COL15A1: variants seen among roughly 807,000 people sequenced by gnomAD.
COL15A1 encodes the protein collagen alpha-1(XV) chain.
In COL15A1, 111 loss-of-function variants were observed where a neutral mutation model predicts 165.9. The ratio of observed to expected loss-of-function variants is 0.67; its 90% CI spans 0.57 to 0.78. The LOEUF (loss-of-function observed/expected upper bound fraction) is 0.78, where lower values mean the gene tolerates loss of function less well. COL15A1 is among the 30% of genes least tolerant of loss of function. The probability of loss-of-function intolerance (pLI) is 0.00; values close to 1 mark genes in which losing one functional copy is unlikely to be tolerated. For missense variants in COL15A1, 1,745 were observed against 1,789.7 expected, an observed-to-expected ratio of 0.98 and a Z score of 0.45; for synonymous variants, 659 against 674.8, an observed-to-expected ratio of 0.98 and a Z score of 0.36.
chr9:99,015,525 C>T lies in COL15A1; in HGVS notation c.1462C>T (p.Pro488Ser). Residue 488 changes from proline to serine, a missense_variant, in exon 10 of 42, where the codon CCC becomes TCC. Coordinates refer to ENST00000375001, the MANE Select transcript of COL15A1 (RefSeq NM_001855.5). ...TGGGGTCCCCACAGATGGCCTGGCT[C>T]CCCTCACAGCCACCATGGCCCCTGA... ...ASGVPTDGLA[P>S]LTATMAPERA... The T allele has an allele frequency of 2.5e-6, 4 of 1,613,842 alleles. No homozygotes were observed. The highest frequency in any genetic ancestry group is 1.1e-5 in the South Asian group (1 of 91,064).
chr9:99,056,328 T>C lies in COL15A1; in HGVS notation c.3261T>C (p.Pro1087=). 1.2e-6 allele frequency: 2 copies of C among 1,614,004 alleles called. No individual in the cohort carries two copies. The highest frequency in any genetic ancestry group is 1.7e-6 in the Non-Finnish European group (2 of 1,180,012). ...GTGCTCCTGGTCTGCCTGGGCCACC[T>C]GGCTTTGGAAGACCTGGTGATCCTG... is the stretch of plus-strand genomic sequence containing the variant. ...PPGAPGLPGP[P]GFGRPGDPGP... Residue 1087 remains proline, a synonymous_variant, in exon 35 of 42, where the codon CCT becomes CCC. Coordinates refer to ENST00000375001, the MANE Select transcript of COL15A1 (RefSeq NM_001855.5).
chr9:99,010,300 C>A (rs2118974294), intron 9 of COL15A1, among the ~76,000 whole-genome samples: 1 of 152,268 alleles, frequency 6.6e-6, no homozygotes, highest in East Asian at 1.9e-4. Flanking sequence ...TTCTGGGCAC[C>A]ACTATGTAAC....
intron 2 of COL15A1, among the ~76,000 whole-genome samples, chr9:98,967,150 G>T (rs1347818221): frequency 1.3e-5 from 2 of 152,218 alleles, no homozygotes; most frequent in Non-Finnish European, 2.9e-5. Flanking sequence ...CTCACAGGCT[G>T]CTGAGGGACA....
chr9:98,974,546 C>T (rs1838111292), intron 2 of COL15A1, among the ~76,000 whole-genome samples: 1 of 152,218 alleles, frequency 6.6e-6, no homozygotes, highest in Admixed American at 6.5e-5. Flanking sequence ...GTCTGCCCCC[C>T]ATGCTGCAGG....
chr9:98,972,227 CTGTCTGA>C (rs1838069816), intron 2 of COL15A1, among the ~76,000 whole-genome samples: 1 of 152,140 alleles, frequency 6.6e-6, no homozygotes, highest in Non-Finnish European at 1.5e-5. Flanking sequence ...AAGCATAGGT[CTGTCTGA>C]TGCCAAAGCC....
chr9:98,957,117 G>A (rs1837789369), intron 2 of COL15A1, among the ~76,000 whole-genome samples: 1 of 152,188 alleles, frequency 6.6e-6, no homozygotes, highest in South Asian at 2.1e-4. Flanking sequence ...CCTCAAATGA[G>A]GGAGATTGTC....
chr9:99,054,755 C>T, intron 32 of COL15A1, 99 bp downstream of exon 32: 2 of 1,314,862 alleles, frequency 1.5e-6, no homozygotes, highest in Non-Finnish European at 2.1e-6. Flanking sequence ...AGACTAATGA[C>T]ATTCCACCCT....
intron 2 of COL15A1, among the ~76,000 whole-genome samples, chr9:98,973,607 C>T (rs933195721): frequency 2.6e-5 from 4 of 152,192 alleles, no homozygotes; most frequent in Non-Finnish European, 5.9e-5. Context: ...CAGGTGGAAA[C>T]GGGAGCCCCC....
At chr9:98,981,466 AG>A (rs990195438) in intron 2 of COL15A1, among the ~76,000 whole-genome samples, 1 of 152,228 alleles carries the variant, frequency 6.6e-6, no homozygotes. Context: ...TCAAAAAAAA[AG>A]AAAAGAAAAT....
intron 14 of COL15A1, 60 bp from the exon 15 acceptor site, chr9:99,024,814 A>C (rs1241590073): frequency 7.7e-6 from 12 of 1,562,782 alleles, no homozygotes; most frequent in African/African-American, 1.4e-5. Context: ...CATGAAGCAC[A>C]TACTCAGTAT....
chr9:98,982,622 A>C (rs906031120), intron 2 of COL15A1, among the ~76,000 whole-genome samples: 1 of 151,456 alleles, frequency 6.6e-6, no homozygotes, highest in African/African-American at 2.4e-5. Context: ...GATGACGATG[A>C]TGATGATGAT....
chr9:99,053,243 C>T (rs1564087574), intron 31 of COL15A1, among the ~76,000 whole-genome samples: 1 of 152,360 alleles, frequency 6.6e-6, no homozygotes, highest in East Asian at 1.9e-4. Flanking sequence ...TCACTTTCAG[C>T]TTGGCTGTGT....
At position 99,042,097 on chromosome 9, in the gene COL15A1, A is replaced by C; in HGVS notation, c.2564A>C (p.Lys855Thr). 6.2e-7 allele frequency: 1 copy of C among 1,612,004 alleles called. No individual in the cohort carries two copies. Among genetic ancestry groups the C allele is most frequent in the Non-Finnish European group, 8.5e-7 (1 of 1,178,636 alleles). ...GGTTTACCTGGCTTTCCAGGACTAA[A>C]AGGAGAACAGGTAAGAGGGGCCCAG... ...DTGLPGFPGL[K>T]GEQGEKGEPG... Residue 855 changes from lysine (K) to threonine (T), a missense_variant, in exon 24 of 42, where the codon AAA (lysine) becomes ACA (threonine). Lys to Thr is a moderately conservative substitution (Grantham distance 78). Transcript: ENST00000375001.
intron 2 of COL15A1, among the ~76,000 whole-genome samples, chr9:98,964,522 G>A (rs1259548918): frequency 6.6e-6 from 1 of 152,206 alleles, no homozygotes; most frequent in Non-Finnish European, 1.5e-5. Flanking sequence ...GACACAGTGT[G>A]TTTGACAACA....
intron 16 of COL15A1, among the ~76,000 whole-genome samples, chr9:99,031,292 T>TAGTGTGTCCCAATAGGA (rs1839209818): frequency 6.6e-6 from 1 of 152,096 alleles, no homozygotes; most frequent in Non-Finnish European, 1.5e-5. Context: ...AAGAACTGGG[T>TAGTGTGTCCCAATAGGA]AGTGTGTCCC....
At chr9:99,006,883 T>C (rs961990783) in intron 9 of COL15A1, among the ~76,000 whole-genome samples, 3 of 152,184 alleles carry the variant, frequency 2.0e-5, no homozygotes, top group Non-Finnish European at 4.4e-5. Flanking sequence ...CAAAGAGTAT[T>C]TGAAACAAGT....
At chr9:98,959,599 A>T (rs1418104768) in intron 2 of COL15A1, among the ~76,000 whole-genome samples, 1 of 148,604 alleles carries the variant, frequency 6.7e-6, no homozygotes, top group Non-Finnish European at 1.5e-5. Flanking sequence ...TCTTGCCATA[A>T]AAAAAAAAAA....
intron 22 of COL15A1, 84 bp downstream of exon 22, chr9:99,038,817 T>C: frequency 1.2e-6 from 1 of 815,072 alleles, no homozygotes; most frequent in Non-Finnish European, 2.2e-6. Flanking sequence ...GGAATCCTTT[T>C]AGCTCCTGAA....
chr9:98,998,703 G>T (rs1838592671), intron 6 of COL15A1, among the ~76,000 whole-genome samples: 2 of 152,222 alleles, frequency 1.3e-5, no homozygotes, highest in African/African-American at 4.8e-5. Context: ...GGGTTAAGGT[G>T]AAGGGGCTGG....
Sources: gnomAD v4.1 joint callset for allele counts (sites outside exome capture counted in the v4.1 genomes callset) on GRCh38, gnomAD v4.1.1 for gene constraint, MANE v1.5 for transcripts, NCBI Gene and HGNC (gene_info 2026-07-23, HGNC 2026-07-21) for gene names.